Variants in ASIC2 observed in about 807,000 individuals in gnomAD.
ASIC2 encodes acid-sensing ion channel 2.
A neutral mutation model predicts 57.3 loss-of-function variants in ASIC2; 25 were observed. The ratio of observed to expected loss-of-function variants is 0.44; its 90% CI spans 0.32 to 0.61. The LOEUF (loss-of-function observed/expected upper bound fraction) is 0.61, where lower values mean the gene tolerates loss of function less well. Among genes scored for constraint, ASIC2 ranks in the 20% least tolerant of loss-of-function variants. ASIC2 has a pLI of 0.06. For synonymous variants in ASIC2, 319 were observed against 307.5 expected, an observed-to-expected ratio of 1.04 and a Z score of -0.39; for missense variants, 641 against 738.1, an observed-to-expected ratio of 0.87 and a Z score of 1.52.
chr17:33,574,730 T>C (rs543421222), intron 1 of ASIC2, among the ~76,000 whole-genome samples: 124 of 152,312 alleles, frequency 8.1e-4, no homozygotes, highest in Non-Finnish European at 1.4e-3. Context: ...TTTACAAAAA[T>C]ATTCTAGGAC....
At chr17:33,519,304 G>A (rs936061080) in intron 1 of ASIC2, among the ~76,000 whole-genome samples, 6 of 152,198 alleles carry the variant, frequency 3.9e-5, no homozygotes, top group Admixed American at 3.9e-4. Flanking sequence ...TGGTGGAAGT[G>A]AGGGAGGAAT....
intron 1 of ASIC2, among the ~76,000 whole-genome samples, chr17:33,552,645 A>C (rs1915787449): frequency 6.6e-6 from 1 of 152,242 alleles, no homozygotes; most frequent in African/African-American, 2.4e-5. Context: ...GTCCTGGTAC[A>C]TTTAGACTCT....
At chr17:34,103,633 G>A (rs2142102764) in intron 1 of ASIC2, among the ~76,000 whole-genome samples, 1 of 152,060 alleles carries the variant, frequency 6.6e-6, no homozygotes, top group Admixed American at 6.5e-5. Flanking sequence ...TGTGGTGTGT[G>A]TGGTGTGAGG....
intron 1 of ASIC2, among the ~76,000 whole-genome samples, chr17:33,288,755 C>CAT (rs2142178340): frequency 7.2e-6 from 1 of 139,688 alleles, no homozygotes; most frequent in Non-Finnish European, 1.6e-5. Flanking sequence ...CACACACACA[C>CAT]ACACAACTAA....
chr17:33,658,278 T>C (rs1433575924), intron 1 of ASIC2, among the ~76,000 whole-genome samples: 1 of 152,172 alleles, frequency 6.6e-6, no homozygotes, highest in Non-Finnish European at 1.5e-5. Context: ...TGATCTTGAG[T>C]GAGCCAGGAA....
At chr17:33,872,017 G>A (rs1193114112) in intron 1 of ASIC2, among the ~76,000 whole-genome samples, 1 of 152,116 alleles carries the variant, frequency 6.6e-6, no homozygotes, top group African/African-American at 2.4e-5. Context: ...CCTCCCACTT[G>A]CAGGCTCAGG....
intron 1 of ASIC2, among the ~76,000 whole-genome samples, chr17:33,252,585 G>A (rs1908923084): frequency 1.3e-5 from 2 of 152,028 alleles, no homozygotes; most frequent in Non-Finnish European, 2.9e-5. Context: ...CCAGCCCTGC[G>A]ATGGGTGCAC....
intron 1 of ASIC2, among the ~76,000 whole-genome samples, chr17:33,741,039 G>C (rs148361991): frequency 6.6e-6 from 1 of 152,272 alleles, no homozygotes; most frequent in African/African-American, 2.4e-5. Context: ...AGACTGCCAG[G>C]GAAGGTGCTT....
intron 1 of ASIC2, among the ~76,000 whole-genome samples, chr17:33,711,959 G>A (rs1909050095): frequency 6.6e-6 from 1 of 152,080 alleles, no homozygotes; most frequent in Non-Finnish European, 1.5e-5. Context: ...AAGGTCCCTG[G>A]GGTGATAAAT....
intron 1 of ASIC2, chr17:34,037,473 C>G: frequency 2.5e-6 from 2 of 803,396 alleles, no homozygotes; most frequent in African/African-American, 3.5e-5. Context: ...TGCTGTCATG[C>G]TCTATGGATG....
At position 34,031,512 on chromosome 17, in the gene ASIC2, C is replaced by A. The variant is rs976901555; in HGVS notation, c.555+124466G>T. Among the ~76,000 whole-genome samples, 3 of 152,128 alleles carry A rather than the reference C, an allele frequency of 2.0e-5. No individual in the cohort carries two copies. In the East Asian group the frequency reaches 5.8e-4, roughly 29 times the overall value. On this transcript the variant is annotated intron_variant, in intron 1 of 9. Transcript: ENST00000359872. ...CAGCAATGGAACAAAGCTGCATGGA[C>A]AATGACTTTGACGAGTTGAGAGAAG...
At chr17:33,100,508 A>G (rs893770201) in intron 2 of ASIC2, among the ~76,000 whole-genome samples, 2 of 152,162 alleles carry the variant, frequency 1.3e-5, no homozygotes, top group Non-Finnish European at 2.9e-5. Flanking sequence ...TCTGGAACTG[A>G]CTATCTCCTT....
At chr17:34,097,049 A>G (rs1910573474) in intron 1 of ASIC2, among the ~76,000 whole-genome samples, 1 of 151,980 alleles carries the variant, frequency 6.6e-6, no homozygotes, top group African/African-American at 2.4e-5. Context: ...AATAAGAATA[A>G]TAATACTCTC....
intron 1 of ASIC2, among the ~76,000 whole-genome samples, chr17:33,542,508 A>AT (rs1446454690): frequency 8.5e-6 from 1 of 117,868 alleles, no homozygotes; most frequent in African/African-American, 3.3e-5. Flanking sequence ...GATGATGAGC[A>AT]TTTTTTCATG....
At position 33,025,950 on chromosome 17, in the gene ASIC2, T is replaced by C; in HGVS notation, c.1171A>G (p.Lys391Glu). 21 of 1,613,836 alleles carry C rather than the reference T, an allele frequency of 1.3e-5. No homozygotes were observed. Among genetic ancestry groups the C allele is most frequent in the Non-Finnish European group, 1.8e-5 (21 of 1,179,886 alleles). Residue 391 changes from lysine (K) to glutamate (E), a missense_variant, in exon 5 of 10, where the codon AAG becomes GAG. Coordinates refer to ENST00000225823, the MANE Select transcript of ASIC2 (RefSeq NM_183377.2). ...DAPFCTPEQH[K>E]ECAEPALGLL... ...CCTAGGGCAGGCTCTGCACACTCCT[T>C]GTGCTGCTCAGGGGTACAAAAAGGG...
At chr17:33,338,138 A>G (rs1907591259) in intron 1 of ASIC2, among the ~76,000 whole-genome samples, 1 of 147,976 alleles carries the variant, frequency 6.8e-6, no homozygotes, top group Non-Finnish European at 1.5e-5. Flanking sequence ...GAGGCTGTAA[A>G]TGTTCCTTCT....
intron 1 of ASIC2, among the ~76,000 whole-genome samples, chr17:34,083,291 C>T (rs911610621): frequency 1.4e-4 from 21 of 151,412 alleles, no homozygotes; most frequent in African/African-American, 3.6e-4. Flanking sequence ...TTTGTTCTTG[C>T]GATAGTTTAC....
intron 1 of ASIC2, among the ~76,000 whole-genome samples, chr17:33,836,940 C>G (rs753751042): frequency 6.6e-6 from 1 of 152,182 alleles, no homozygotes; most frequent in Admixed American, 6.5e-5. Context: ...GTATCCTTTT[C>G]ATTATTTGTG....
Position 34,156,350 on chromosome 17 carries a change from A to T in ASIC2, c.183T>A (p.Ser61=), listed in dbSNP as rs770383826. The T allele has an allele frequency of 1.2e-6, 2 of 1,614,228 alleles. No homozygotes were observed. The highest frequency in any genetic ancestry group is 8.5e-7 in the Non-Finnish European group (1 of 1,180,046). ...AGGAGAAGTAGTAGGACACCCTCTC[A>T]GAGCTCTCCACCAGCAGCAGGCCCA... Residue 61 remains serine (S), a synonymous_variant, in exon 1 of 10, where the codon TCT becomes TCA. Coordinates refer to the ASIC2 transcript ENST00000359872. This position sits in a 1 kb window ranked among gnomAD's most constrained non-coding sequence, Gnocchi z 4.4.
Sources: allele counts gnomAD v4.1 joint callset (sites outside exome capture counted in the v4.1 genomes callset), GRCh38; gene constraint gnomAD v4.1.1; non-coding constraint Gnocchi (gnomAD v3.1); transcripts MANE v1.5; gene names NCBI Gene and HGNC (gene_info 2026-07-23, HGNC 2026-07-21).